Variants in ABCA13 observed in about 807,000 individuals in gnomAD.
The protein encoded by ABCA13 is ATP-binding cassette sub-family A member 13.
ABCA13 carries 476 observed loss-of-function variants against 478.7 expected under a neutral mutation model. That is an observed-to-expected ratio of 0.99 (90% CI 0.92 to 1.07). The LOEUF (loss-of-function observed/expected upper bound fraction) is 1.07. ABCA13 is among the 50% of genes least tolerant of loss of function. The pLI, the probability that ABCA13 is intolerant of heterozygous loss-of-function variation, is 0.00. For synonymous variants in ABCA13, 2,252 were observed against 2,158.9 expected (o/e 1.04, Z -1.20); for missense variants, 6,060 against 5,910.6 (o/e 1.03, Z -0.83).
chr7:48,256,817 A>T (rs775175187), intron 15 of ABCA13, among the ~76,000 whole-genome samples: 1 of 152,192 alleles, frequency 6.6e-6, no homozygotes, highest in Non-Finnish European at 1.5e-5. Context: ...TTGATTCCAT[A>T]TGAATTTTAA....
intron 45 of ABCA13, among the ~76,000 whole-genome samples, chr7:48,478,200 GAT>G (rs1474968909): frequency 6.8e-6 from 1 of 146,766 alleles, no homozygotes; most frequent in Non-Finnish European, 1.5e-5. Flanking sequence ...TACATAAAAT[GAT>G]ATGATATATA....
At chr7:48,285,720 T>G (rs1423850464) in intron 19 of ABCA13, among the ~76,000 whole-genome samples, 1 of 152,242 alleles carries the variant, frequency 6.6e-6, no homozygotes, top group African/African-American at 2.4e-5. Flanking sequence ...CTTTTAGGTT[T>G]GAACAACATA....
chr7:48,221,862 AC>A (rs1787404443), intron 5 of ABCA13, among the ~76,000 whole-genome samples: 1 of 152,224 alleles, frequency 6.6e-6, no homozygotes, highest in Non-Finnish European at 1.5e-5. Flanking sequence ...GAATCATCTG[AC>A]CCAGAACATC....
intron 15 of ABCA13, among the ~76,000 whole-genome samples, chr7:48,267,418 A>G (rs553922096): frequency 6.6e-6 from 1 of 152,252 alleles, no homozygotes; most frequent in East Asian, 1.9e-4. Context: ...TAATTATGTT[A>G]TCATCTGAAA....
intron 48 of ABCA13, among the ~76,000 whole-genome samples, chr7:48,500,711 C>T (rs1830665754): frequency 6.6e-6 from 1 of 152,196 alleles, no homozygotes; most frequent in Non-Finnish European, 1.5e-5. Context: ...CACCTCTCTG[C>T]CACCCCTCCA....
chr7:48,351,550 C>T (rs1027830721), intron 30 of ABCA13, among the ~76,000 whole-genome samples: 3 of 152,202 alleles, frequency 2.0e-5, no homozygotes, highest in East Asian at 3.9e-4. Context: ...CCTCATCTTC[C>T]CTCTATGTAT....
intron 52 of ABCA13, among the ~76,000 whole-genome samples, 190 bp downstream of exon 52, chr7:48,517,071 G>A (rs1832179048): frequency 2.0e-5 from 3 of 152,320 alleles, no homozygotes; most frequent in Admixed American, 6.5e-5. Context: ...TAAAAGCCAT[G>A]CCTAGGCTTA....
chr7:48,208,568 A>G (rs1318906667), intron 3 of ABCA13, among the ~76,000 whole-genome samples: 1 of 152,022 alleles, frequency 6.6e-6, no homozygotes, highest in Non-Finnish European at 1.5e-5. Context: ...ATTTGTAGCT[A>G]TTATAAATGG....
chr7:48,216,211 TC>T (rs1786451161), intron 3 of ABCA13, among the ~76,000 whole-genome samples: 1 of 152,198 alleles, frequency 6.6e-6, no homozygotes, highest in Non-Finnish European at 1.5e-5. Context: ...TCTCCCATCA[TC>T]AGTGGTAGAA....
intron 15 of ABCA13, among the ~76,000 whole-genome samples, chr7:48,252,186 G>A (rs894274713): frequency 6.6e-6 from 1 of 151,894 alleles, no homozygotes; most frequent in African/African-American, 2.4e-5. Context: ...TAAGTTCCTT[G>A]GGCTGTGTTC....
chr7:48,409,502 C>T (rs1048165491), intron 39 of ABCA13, among the ~76,000 whole-genome samples: 1 of 152,136 alleles, frequency 6.6e-6, no homozygotes, highest in East Asian at 1.9e-4. Flanking sequence ...CACCCTGGCT[C>T]CCTGTGTCCA....
At position 48,626,621 on chromosome 7, in the gene ABCA13, T is replaced by C. The variant is rs944558960; in HGVS notation, c.14837+11244T>C. On this transcript the variant is annotated intron_variant, in intron 59 of 61. Transcript: ENST00000435803. ...TAGTAGGAAGTTAAATAAGACAAAC[T>C]GAAGTCAACTGGTGACCAAGCACAT... is the stretch of plus-strand genomic sequence containing the variant. 25 of 985,282 alleles carry C rather than the reference T, an allele frequency of 2.5e-5. No individual in the cohort carries two copies. The African/African-American group carries it at 4.2e-4, about 17-fold the overall frequency. The allele number at this position is 985,282 out of a possible 1,614,324, so 61.0% of individuals were successfully genotyped here.
rs1351957898 is a variant in ABCA13, at chr7:48,391,920, G to A, written c.11655-1G>A. The A allele has an allele frequency of 6.2e-7, 1 of 1,613,518 alleles. No homozygotes were observed. The highest frequency in any genetic ancestry group is 8.5e-7 in the Non-Finnish European group (1 of 1,179,664). On this transcript the variant is annotated splice_acceptor_variant, in intron 37 of 61. Transcript: ENST00000435803. LOFTEE classifies it high-confidence loss of function. The stretch of plus-strand genomic sequence containing the variant: ...CCATGCTGTCTTATTTTCTCTGGCA[G>A]ATCCATGTTGACGGGGCTCCACCCT...
intron 23 of ABCA13, among the ~76,000 whole-genome samples, chr7:48,309,176 C>T (rs1238679678): frequency 6.6e-6 from 1 of 151,862 alleles, no homozygotes; most frequent in Non-Finnish European, 1.5e-5. Flanking sequence ...TGCTCTTCTT[C>T]AGAGAGCATG....
chr7:48,520,217 C>G lies in ABCA13; in HGVS notation c.13974C>G (p.Phe4658Leu). The change falls in exon 53 of 62, where the codon TTC (phenylalanine) becomes TTG (leucine). Residue 4658 changes from phenylalanine to leucine, a missense_variant. Physicochemically the swap from Phe to Leu is conservative, Grantham distance 22 (BLOSUM62 0). Coordinates refer to ENST00000435803, the MANE Select transcript of ABCA13 (RefSeq NM_152701.5). ...AGATGAACTTTCTGGGCTGGATCTT[C>G]GTGCAACTGGCCTCGCAGGGCACAG... Reference protein sequence around the residue: ...PFEMNFLGWIFVQLASQGTVL... With the variant: ...PFEMNFLGWILVQLASQGTVL... 1 of 1,613,660 alleles carries G rather than the reference C, an allele frequency of 6.2e-7. No homozygotes were observed. Among genetic ancestry groups the G allele is most frequent in the Non-Finnish European group, 8.5e-7 (1 of 1,179,768 alleles).
In ABCA13 at chr7:48,239,359, A is replaced by C. The variant is rs1240517740; in HGVS notation, c.1016A>C (p.Lys339Thr). ...GGCHPKWSEAKNYLVHAVSWL... is the reference protein window; with the variant it reads ...GGCHPKWSEATNYLVHAVSWL... ...TGCCACCCTAAGTGGTCAGAAGCCAAAAACTATCTTGTCCATGCAGTCAGC... is the reference window on the plus strand; with the variant it reads ...TGCCACCCTAAGTGGTCAGAAGCCACAAACTATCTTGTCCATGCAGTCAGC... Residue 339 changes from lysine to threonine, a missense_variant, in exon 9 of 62, where the codon AAA (lysine) becomes ACA (threonine). Transcript: ENST00000435803. The C allele has an allele frequency of 6.2e-7, 1 of 1,613,912 alleles. No individual in the cohort carries two copies. Among genetic ancestry groups the C allele is most frequent in the Admixed American group, 1.7e-5 (1 of 60,010 alleles).
intron 3 of ABCA13, among the ~76,000 whole-genome samples, chr7:48,210,245 C>T (rs1411483103): frequency 1.3e-5 from 2 of 152,028 alleles, no homozygotes; most frequent in East Asian, 3.9e-4. Context: ...GAAAAAGCCC[C>T]TTATAAAACC....
chr7:48,195,623 T>C (rs1797822774), intron 2 of ABCA13, among the ~76,000 whole-genome samples: 1 of 152,144 alleles, frequency 6.6e-6, no homozygotes, highest in African/African-American at 2.4e-5. Flanking sequence ...TTTGAGGGAC[T>C]CTTGTGATTG....
chr7:48,250,475 T>G (rs1374942741), intron 15 of ABCA13, among the ~76,000 whole-genome samples: 1 of 152,186 alleles, frequency 6.6e-6, no homozygotes, highest in Non-Finnish European at 1.5e-5. Context: ...ATTCTGGGGC[T>G]ATCCAGCGCC....
Sources: allele counts gnomAD v4.1 joint callset (sites outside exome capture counted in the v4.1 genomes callset), GRCh38; gene constraint gnomAD v4.1.1; transcripts MANE v1.5; gene names NCBI Gene and HGNC (gene_info 2026-07-23, HGNC 2026-07-21).